Variants in SUGCT observed in about 807,000 individuals in gnomAD.
SUGCT encodes the protein succinyl-CoA:glutarate CoA-transferase.
Under a neutral mutation model 55.0 loss-of-function variants are expected in SUGCT, and 41 were observed. The observed-to-expected ratio is 0.74, with a 90% CI of 0.58 to 0.97. SUGCT has a LOEUF of 0.97. Among genes scored for constraint, SUGCT ranks in the 50% least tolerant of loss-of-function variants. SUGCT has a pLI of 0.00. For missense variants in SUGCT, 568 were observed against 547.8 expected (o/e 1.04, Z -0.37); for synonymous variants, 187 against 200.4 (o/e 0.93, Z 0.56).
intron 13 of SUGCT, among the ~76,000 whole-genome samples, chr7:40,851,964 T>C (rs1174312443): frequency 6.6e-6 from 1 of 152,254 alleles, no homozygotes; most frequent in Non-Finnish European, 1.5e-5. Flanking sequence ...ATACAATTGC[T>C]GTGGAAATAT....
intron 9 of SUGCT, among the ~76,000 whole-genome samples, chr7:40,420,331 G>GT (rs1232348078): frequency 2.0e-5 from 3 of 151,708 alleles, no homozygotes; most frequent in Admixed American, 6.6e-5. Context: ...AGTTTTTTTT[G>GT]TTTTTTGTTT....
At chr7:41,013,368 A>G in the SUGCT span, among the ~76,000 whole-genome samples, 1 of 152,164 alleles carries the variant, frequency 6.6e-6, no homozygotes, top group Non-Finnish European at 1.5e-5. Flanking sequence ...CCATAACCCC[A>G]TTCACAGACG....
At chr7:40,986,987 A>G in the SUGCT span, among the ~76,000 whole-genome samples, 1 of 152,180 alleles carries the variant, frequency 6.6e-6, no homozygotes, top group East Asian at 1.9e-4. Flanking sequence ...TGTATATTCT[A>G]TGTTTTTCCT....
the SUGCT span, among the ~76,000 whole-genome samples, chr7:41,025,537 A>G: frequency 6.6e-6 from 1 of 152,008 alleles, no homozygotes; most frequent in Non-Finnish European, 1.5e-5. Context: ...TACTAAAAAT[A>G]GTAGAGATAG....
intron 7 of SUGCT, among the ~76,000 whole-genome samples, chr7:40,237,981 T>G (rs1341907451): frequency 6.6e-6 from 1 of 152,226 alleles, no homozygotes; most frequent in African/African-American, 2.4e-5. Context: ...AGCAATGTTT[T>G]TAGCAAGAAG....
chr7:40,447,681 G>A (rs1249151570), intron 9 of SUGCT, among the ~76,000 whole-genome samples: 1 of 152,146 alleles, frequency 6.6e-6, no homozygotes, highest in African/African-American at 2.4e-5. Flanking sequence ...GAGCCTATAT[G>A]TAGGCAGAAG....
chr7:40,148,837 A>T (rs1367502116), intron 1 of SUGCT, among the ~76,000 whole-genome samples: 1 of 152,196 alleles, frequency 6.6e-6, no homozygotes, highest in African/African-American at 2.4e-5. Flanking sequence ...GAATGAATGG[A>T]TGCGGATGGA....
At chr7:40,773,679 A>T (rs1018909793) in intron 13 of SUGCT, among the ~76,000 whole-genome samples, 2 of 152,112 alleles carry the variant, frequency 1.3e-5, no homozygotes, top group African/African-American at 4.8e-5. Flanking sequence ...CTGAGTTCCA[A>T]GTAGTTGAGT....
At chr7:40,869,888 C>A in the SUGCT span, among the ~76,000 whole-genome samples, 212 of 152,248 alleles carry the variant, frequency 1.4e-3, no homozygotes, top group Non-Finnish European at 2.0e-3. Context: ...CAAGAAATTT[C>A]AGAGGTGATT....
At chr7:40,940,621 T>C in the SUGCT span, among the ~76,000 whole-genome samples, 2 of 152,146 alleles carry the variant, frequency 1.3e-5, no homozygotes, top group African/African-American at 4.8e-5. Flanking sequence ...TATTTTAAGA[T>C]ATTTTAAATT....
chr7:40,566,937 T>G (rs998451241), intron 12 of SUGCT, among the ~76,000 whole-genome samples: 1 of 152,252 alleles, frequency 6.6e-6, no homozygotes, highest in East Asian at 1.9e-4. Flanking sequence ...TAAAAAAATA[T>G]TGCTGTTATG....
the SUGCT span, among the ~76,000 whole-genome samples, chr7:40,959,697 A>C: frequency 6.8e-6 from 1 of 146,048 alleles, no homozygotes; most frequent in Admixed American, 6.8e-5. Context: ...CTGGTGTTCC[A>C]GATGCCACTG....
rs529190462 is a variant in SUGCT at position 40,643,857 on chromosome 7, C to G, written c.1090-105577C>G. On this transcript the variant is annotated intron_variant, in intron 12 of 13. Transcript: ENST00000335693. ...AGGGGGGACTTATCTGATTGCCTAA[C>G]TGGGGAGAGTAGCTGACTTTCTATG... 6.1e-4 allele frequency among the ~76,000 whole-genome samples: 93 copies of G among 152,316 alleles called. No homozygotes were observed. The Middle Eastern group carries it at 0.014, about 22-fold the overall frequency.
chr7:40,561,141 G>A (rs560249458), intron 12 of SUGCT, among the ~76,000 whole-genome samples: 1 of 152,260 alleles, frequency 6.6e-6, no homozygotes, highest in African/African-American at 2.4e-5. Flanking sequence ...GAGTGGGTAA[G>A]GCCTAATACA....
intron 8 of SUGCT, among the ~76,000 whole-genome samples, chr7:40,275,937 T>C (rs1246075849): frequency 6.6e-6 from 1 of 152,194 alleles, no homozygotes; most frequent in African/African-American, 2.4e-5. Flanking sequence ...AAATATCTGA[T>C]TTGTGCAAGG....
chr7:40,467,518 T>C (rs1294910801), intron 11 of SUGCT, among the ~76,000 whole-genome samples: 1 of 152,214 alleles, frequency 6.6e-6, no homozygotes, highest in East Asian at 1.9e-4. Context: ...TCTGTTGTGC[T>C]AGCAAATACT....
chr7:40,668,865 G>C (rs1273809683), intron 12 of SUGCT, among the ~76,000 whole-genome samples: 1 of 152,130 alleles, frequency 6.6e-6, no homozygotes, highest in African/African-American at 2.4e-5. Context: ...CTCACCCCCA[G>C]TCACTCTAAA....
chr7:40,946,399 G>A, the SUGCT span, among the ~76,000 whole-genome samples: 4 of 152,120 alleles, frequency 2.6e-5, no homozygotes, highest in African/African-American at 9.7e-5. Flanking sequence ...TTCCAGTGGG[G>A]ATTGGAGGGC....
chr7:40,806,259 G>C (rs1791085039), intron 13 of SUGCT, among the ~76,000 whole-genome samples: 1 of 151,982 alleles, frequency 6.6e-6, no homozygotes, highest in African/African-American at 2.4e-5. Flanking sequence ...GCCCATTTCA[G>C]GGTTTTATCA....
Sources: gnomAD v4.1 joint callset for allele counts (sites outside exome capture counted in the v4.1 genomes callset) on GRCh38, gnomAD v4.1.1 for gene constraint, MANE v1.5 for transcripts, NCBI Gene and HGNC (gene_info 2026-07-23, HGNC 2026-07-21) for gene names.